The following LSM12 variants were observed in gnomAD, a reference collection of about 807,000 sequenced individuals.
LSM12 encodes the protein LSM12 homolog.
For synonymous variants in LSM12, 74 were observed against 87.3 expected, an observed-to-expected ratio of 0.85 and a Z score of 0.85; for missense variants, 108 against 238.9, an observed-to-expected ratio of 0.45 and a Z score of 3.61.
chr17:44,059,509 T>C (rs964359639), intron 2 of LSM12, among the ~76,000 whole-genome samples: 8 of 150,430 alleles, frequency 5.3e-5, no homozygotes, highest in Admixed American at 6.6e-5. Flanking sequence ...GGAGAATCGC[T>C]TGAACCGAGA....
At position 44,034,544 on chromosome 17, in the gene LSM12, G is replaced by A. The variant is rs562408056; in HGVS notation, c.*1664C>T. On this transcript the variant is annotated 3_prime_UTR_variant, in exon 5 of 5. Transcript: ENST00000293406. ...AAGAGAGGGTAAATAGTAGGAAGAA[G>A]AGACTCTAAAGAGAAAGGTCAAATC... The A allele has an allele frequency of 3.3e-5, 5 of 152,614 alleles. No homozygotes were observed. The South Asian group carries it at 1.0e-3, about 32-fold the overall frequency. 9.5% of individuals were successfully genotyped at this position (152,614 alleles called of 1,614,324 possible).
chr17:44,048,481 C>CA (rs534794067), intron 2 of LSM12, among the ~76,000 whole-genome samples: 4,366 of 64,096 alleles, frequency 0.068, 184 homozygotes, highest in African/African-American at 0.17. Context: ...GACTCCATCT[C>CA]AAAAAAAAAA....
At position 44,034,527 on chromosome 17, in the gene LSM12, G is replaced by C. The variant is rs2049395525; in HGVS notation, c.*1681C>G. The C allele has an allele frequency of 6.6e-6, 1 of 152,404 alleles. No individual in the cohort carries two copies. The highest frequency in any genetic ancestry group is 1.5e-5 in the Non-Finnish European group (1 of 68,044). The allele number at this position is 152,404 out of a possible 1,614,324, so 9.4% of individuals were successfully genotyped here. On this transcript the variant is annotated 3_prime_UTR_variant, in exon 5 of 5. Coordinates refer to ENST00000293406, the MANE Select transcript of LSM12 (RefSeq NM_001371445.1). Reference sequence around the variant, plus strand: ...GAGTCCTCGGGGGTGAAAAGAGAGGGTAAATAGTAGGAAGAAGAGACTCTA... The same window carrying C: ...GAGTCCTCGGGGGTGAAAAGAGAGGCTAAATAGTAGGAAGAAGAGACTCTA...
chr17:44,057,087 C>T (rs1356266979), intron 2 of LSM12, among the ~76,000 whole-genome samples: 7 of 151,808 alleles, frequency 4.6e-5, no homozygotes, highest in Admixed American at 3.3e-4. Flanking sequence ...GCACAGGAGG[C>T]GGAGGTTGCA....
chr17:44,039,673 G>C (rs569926902), intron 3 of LSM12, among the ~76,000 whole-genome samples: 6 of 152,210 alleles, frequency 3.9e-5, no homozygotes, highest in Admixed American at 3.3e-4. Context: ...GAGCCACCGC[G>C]CCCGGCCCCA....
chr17:44,044,167 T>C (rs757584533), intron 2 of LSM12, among the ~76,000 whole-genome samples: 17 of 151,836 alleles, frequency 1.1e-4, no homozygotes, highest in Non-Finnish European at 2.1e-4. Context: ...TGTTTAAGAA[T>C]GGAACTGACA....
Position 44,054,837 on chromosome 17 carries a change from CTTTTTT to C in LSM12, c.258+8958_258+8963del, listed in dbSNP as rs971642524. 5.8e-4 allele frequency among the ~76,000 whole-genome samples: 83 copies of C among 142,660 alleles called. 1 individual carries two copies. Among genetic ancestry groups the C allele is most frequent in the African/African-American group, 1.9e-3 (76 of 39,040 alleles). 93.6% of individuals were successfully genotyped at this position (142,660 alleles called of 152,430 possible). A position where few individuals can be genotyped will look rare whatever the true frequency, so the allele number is the denominator to read the frequency against. ...GCGGCCTTGGCGACGTTTTCTTTTT[CTTTTTT>C]TTTTTTTAATTTTGAGACAGAGTCT... On this transcript the variant is annotated intron_variant, in intron 2 of 4. Coordinates refer to ENST00000293406, the MANE Select transcript of LSM12 (RefSeq NM_001371445.1).
Position 44,036,314 on chromosome 17 carries a change from G to A in LSM12, c.496-14C>T. On this transcript the variant is annotated splice_polypyrimidine_tract_variant and intron_variant, in intron 4 of 4. Transcript: ENST00000293406. ...ATGTTTTTCAACCTGAAAAAGACCAGGCAACCCAGGTCAACAAAGGAGATG... is the reference window on the plus strand; with the variant it reads ...ATGTTTTTCAACCTGAAAAAGACCAAGCAACCCAGGTCAACAAAGGAGATG... 2 of 1,614,018 alleles carry A rather than the reference G, an allele frequency of 1.2e-6. No individual in the cohort carries two copies. Among genetic ancestry groups the A allele is most frequent in the African/African-American group, 1.3e-5 (1 of 75,030 alleles).
chr17:44,037,571 C>A, intron 3 of LSM12, 33 bp from the exon 4 acceptor site: 1 of 1,572,434 alleles, frequency 6.4e-7, no homozygotes, highest in Non-Finnish European at 8.6e-7. Flanking sequence ...GAAATGTAAC[C>A]TCTTGGGGGC....
chr17:44,058,287 T>C (rs1307075759), intron 2 of LSM12, among the ~76,000 whole-genome samples: 1 of 151,600 alleles, frequency 6.6e-6, no homozygotes, highest in East Asian at 1.9e-4. Context: ...TGGGAGACAT[T>C]AACTAACATC....
At chr17:44,061,241 C>T (rs112687807) in intron 2 of LSM12, among the ~76,000 whole-genome samples, 1,871 of 150,596 alleles carry the variant, frequency 0.012, 37 homozygotes, top group African/African-American at 0.043. Flanking sequence ...CACTTGAACC[C>T]GGGAGGCGGA....
At chr17:44,051,222 T>G (rs1195225836) in intron 2 of LSM12, among the ~76,000 whole-genome samples, 1 of 151,848 alleles carries the variant, frequency 6.6e-6, no homozygotes, top group African/African-American at 2.4e-5. Flanking sequence ...CTGGCCAATA[T>G]GGTAAAACCC....
In LSM12 at chr17:44,066,547, T is replaced by C. The variant is rs2049880823; in HGVS notation, c.41A>G (p.Gln14Arg). 5 of 1,513,418 alleles carry C rather than the reference T, an allele frequency of 3.3e-6. No individual in the cohort carries two copies. Among genetic ancestry groups the C allele is most frequent in the Non-Finnish European group, 4.4e-6 (5 of 1,131,554 alleles). 93.7% of individuals were successfully genotyped at this position (1,513,418 alleles called of 1,614,324 possible). A position where few individuals can be genotyped will look rare whatever the true frequency, so the allele number is the denominator to read the frequency against. The change falls in exon 1 of 5, where the codon CAG becomes CGG. Residue 14 changes from glutamine (Q) to arginine (R), a missense_variant. Gln to Arg is a conservative substitution (Grantham distance 43). Coordinates refer to ENST00000293406, the MANE Select transcript of LSM12 (RefSeq NM_001371445.1). ...PPGEYFSVGS[Q>R]VSCRTCQEQR... ...CTCCTGGCACGTCCGGCACGACACC[T>C]GGCTCCCAACGCTGAAGTACTCGCC...
At chr17:44,041,418 T>G (rs1204538734) in intron 2 of LSM12, among the ~76,000 whole-genome samples, 1 of 150,342 alleles carries the variant, frequency 6.7e-6, no homozygotes, top group Admixed American at 6.6e-5. Context: ...GTTTAAAAAT[T>G]AATACATACC....
At chr17:44,053,345 C>A (rs1037340442) in intron 2 of LSM12, among the ~76,000 whole-genome samples, 1 of 152,132 alleles carries the variant, frequency 6.6e-6, no homozygotes, top group Non-Finnish European at 1.5e-5. Flanking sequence ...GCCAATACAG[C>A]CTAAAAGATT....
In LSM12 at chr17:44,041,273, T is replaced by TA. The variant is rs11302122; in HGVS notation, c.259-1018dup. Among the ~76,000 whole-genome samples, 14 of 110,276 alleles carry TA rather than the reference T, an allele frequency of 1.3e-4. 1 individual carries two copies. Among genetic ancestry groups the TA allele is most frequent in the African/African-American group, 3.3e-4 (10 of 30,150 alleles). 72.3% of individuals were successfully genotyped at this position (110,276 alleles called of 152,430 possible). On this transcript the variant is annotated intron_variant, in intron 2 of 4. Transcript: ENST00000293406. ...GCAAAGAAGTGAGACTCTGTCTCTT[T>TA]AAAAAAAAAAAAAACAAACACACAC...
intron 2 of LSM12, among the ~76,000 whole-genome samples, chr17:44,053,560 T>G (rs969470882): frequency 2.0e-5 from 3 of 151,982 alleles, no homozygotes; most frequent in African/African-American, 7.3e-5. Context: ...TCCCAGCACC[T>G]TGAAGGGAGA....
chr17:44,056,397 A>T (rs1265353405), intron 2 of LSM12, among the ~76,000 whole-genome samples: 1 of 151,842 alleles, frequency 6.6e-6, no homozygotes, highest in African/African-American at 2.4e-5. Context: ...TGAGGCCAGG[A>T]GTTTGAGACC....
At chr17:44,054,769 A>G (rs2049689517) in intron 2 of LSM12, among the ~76,000 whole-genome samples, 2 of 151,986 alleles carry the variant, frequency 1.3e-5, no homozygotes, top group Admixed American at 1.3e-4. Flanking sequence ...CTATCTGCTC[A>G]AAGCCAGGTG....
Sources: gnomAD v4.1 joint callset for allele counts (sites outside exome capture counted in the v4.1 genomes callset) on GRCh38, gnomAD v4.1.1 for gene constraint, MANE v1.5 for transcripts, NCBI Gene and HGNC (gene_info 2026-07-23, HGNC 2026-07-21) for gene names.